Variants in MAGI3 observed in about 807,000 individuals in gnomAD.
MAGI3 encodes the protein membrane-associated guanylate kinase, WW and PDZ domain-containing protein 3.
Under a neutral mutation model 121.8 loss-of-function variants are expected in MAGI3, and 43 were observed. The ratio of observed to expected loss-of-function variants is 0.35; its 90% CI spans 0.28 to 0.46. The LOEUF (loss-of-function observed/expected upper bound fraction) is 0.46. Among genes scored for constraint, MAGI3 ranks in the 20% least tolerant of loss-of-function variants. The probability of loss-of-function intolerance (pLI) is 1.00; values close to 1 mark genes in which losing one functional copy is unlikely to be tolerated. For missense variants in MAGI3, 1,547 were observed against 1,797.3 expected (o/e 0.86, Z 2.52); for synonymous variants, 553 against 639.3 (o/e 0.86, Z 2.04).
chr1:113,440,555 A>C (rs1009948615), intron 1 of MAGI3, among the ~76,000 whole-genome samples: 1 of 152,190 alleles, frequency 6.6e-6, no homozygotes, highest in African/African-American at 2.4e-5. Context: ...CTACTGTAAT[A>C]GCTTAGCTGC....
At chr1:113,469,631 T>C (rs1332585710) in intron 1 of MAGI3, among the ~76,000 whole-genome samples, 2 of 152,152 alleles carry the variant, frequency 1.3e-5, no homozygotes, top group Non-Finnish European at 2.9e-5. Flanking sequence ...TGAAAAATTA[T>C]CATTTGACTT....
chr1:113,614,582 C>A lies in MAGI3; in HGVS notation c.1019-19C>A. 2 of 1,589,670 alleles carry A rather than the reference C, an allele frequency of 1.3e-6. No homozygotes were observed. The highest frequency in any genetic ancestry group is 2.2e-5 in the South Asian group (2 of 89,610). The stretch of plus-strand genomic sequence containing the variant: ...TCAGTTTTGAATCTGGCATTTCACT[C>A]AATTTTCTTTATTTACAGAGCTTCC... On this transcript the variant is annotated intron_variant, in intron 6 of 20. Transcript: ENST00000307546.
At chr1:113,540,385 T>C (rs1241263138) in intron 1 of MAGI3, among the ~76,000 whole-genome samples, 1 of 152,118 alleles carries the variant, frequency 6.6e-6, no homozygotes, top group African/African-American at 2.4e-5. Flanking sequence ...CAAGAACCAA[T>C]GGGGAGGAGA....
intron 6 of MAGI3, among the ~76,000 whole-genome samples, chr1:113,598,062 A>T (rs1649127200): frequency 1.3e-5 from 2 of 152,198 alleles, no homozygotes; most frequent in South Asian, 4.2e-4. Context: ...AAATACAAAA[A>T]TTAGCCAGAC....
At chr1:113,437,877 T>TC (rs1334973982) in intron 1 of MAGI3, among the ~76,000 whole-genome samples, 358 of 3,440 alleles carry the variant, frequency 0.1, 3 homozygotes, top group Non-Finnish European at 0.15. Context: ...TTCTTCTTCT[T>TC]CTCCTTCTCC....
At chr1:113,665,165 A>G (rs948495020) in intron 16 of MAGI3, among the ~76,000 whole-genome samples, 1 of 152,030 alleles carries the variant, frequency 6.6e-6, no homozygotes. Flanking sequence ...CTACCTTTGT[A>G]TGTAGTTTTA....
chr1:113,615,065 A>G (rs1003633915), intron 7 of MAGI3, among the ~76,000 whole-genome samples: 1 of 152,158 alleles, frequency 6.6e-6, no homozygotes, highest in Non-Finnish European at 1.5e-5. Flanking sequence ...AATTATCTGA[A>G]GTTTTGAAGC....
At chr1:113,454,604 A>G (rs915733551) in intron 1 of MAGI3, among the ~76,000 whole-genome samples, 3 of 152,098 alleles carry the variant, frequency 2.0e-5, no homozygotes, top group South Asian at 2.1e-4. Flanking sequence ...CCATCAACCC[A>G]TCTCTACATT....
At chr1:113,464,169 C>G (rs1284083618) in intron 1 of MAGI3, among the ~76,000 whole-genome samples, 1 of 152,012 alleles carries the variant, frequency 6.6e-6, no homozygotes, top group East Asian at 1.9e-4. Flanking sequence ...CATATACTTC[C>G]TGGCCTCTGT....
intron 1 of MAGI3, among the ~76,000 whole-genome samples, chr1:113,484,481 T>C (rs2101569313): frequency 6.6e-6 from 1 of 152,224 alleles, no homozygotes; most frequent in African/African-American, 2.4e-5. Flanking sequence ...CTCCCACATA[T>C]GAGTGAGAAC....
rs199898252 is a variant in MAGI3 at position 113,685,267 on chromosome 1, C to CAACT, written c.*1254_*1257dup. On this transcript the variant is annotated 3_prime_UTR_variant, in exon 21 of 21. Coordinates refer to ENST00000307546, the MANE Select transcript of MAGI3 (RefSeq NM_001142782.2). Reference sequence around the variant, plus strand: ...TTTCTTAGAAGTTGGAGACTGTTAACAACTTCCATAAAATAGATCCAGGTT... The same window carrying CAACT: ...TTTCTTAGAAGTTGGAGACTGTTAACAACTAACTTCCATAAAATAGATCCAGGTT... 4.5e-3 allele frequency: 680 copies of CAACT among 152,498 alleles called. 6 individuals carry two copies. Among genetic ancestry groups the CAACT allele is most frequent in the African/African-American group, 0.015 (633 of 41,584 alleles). The allele number at this position is 152,498 out of a possible 1,614,324, so 9.4% of individuals were successfully genotyped here.
intron 2 of MAGI3, among the ~76,000 whole-genome samples, chr1:113,571,438 G>A (rs1217609969): frequency 6.6e-6 from 1 of 152,170 alleles, no homozygotes; most frequent in Non-Finnish European, 1.5e-5. Context: ...GAAAGTTAAT[G>A]GTAGCTTGAT....
At chr1:113,488,029 TCTTC>T (rs1656475070) in intron 1 of MAGI3, among the ~76,000 whole-genome samples, 1 of 152,220 alleles carries the variant, frequency 6.6e-6, no homozygotes, top group Non-Finnish European at 1.5e-5. Flanking sequence ...CTTGGAAGGA[TCTTC>T]CTTAATTTTT....
chr1:113,430,566 T>C (rs1653251817), intron 1 of MAGI3, among the ~76,000 whole-genome samples: 1 of 152,244 alleles, frequency 6.6e-6, no homozygotes, highest in East Asian at 1.9e-4. Flanking sequence ...ATGCATGATA[T>C]ATGACTGGAA....
intron 1 of MAGI3, among the ~76,000 whole-genome samples, chr1:113,523,630 T>C (rs1440925055): frequency 6.6e-6 from 1 of 152,188 alleles, no homozygotes; most frequent in Non-Finnish European, 1.5e-5. Flanking sequence ...GTGTATCTGG[T>C]GGAAGAAATC....
intron 20 of MAGI3, 87 bp downstream of exon 20, chr1:113,681,423 A>G (rs1239464657): frequency 2.1e-6 from 3 of 1,397,506 alleles, no homozygotes; most frequent in South Asian, 1.4e-5. Flanking sequence ...GAGAGGATAG[A>G]TATTTTACTA....
intron 1 of MAGI3, among the ~76,000 whole-genome samples, chr1:113,407,861 T>C (rs1019409431): frequency 3.9e-5 from 6 of 152,154 alleles, no homozygotes; most frequent in African/African-American, 1.4e-4. Flanking sequence ...TAGACCCAAA[T>C]TTCTATGTCA....
chr1:113,516,024 A>G (rs1474786319), intron 1 of MAGI3, among the ~76,000 whole-genome samples: 9 of 152,042 alleles, frequency 5.9e-5, no homozygotes, highest in Non-Finnish European at 1.5e-5. Context: ...AGATGCGTAT[A>G]CCACTCCCTT....
At chr1:113,640,935 T>TAAAATATATC in intron 9 of MAGI3, among the ~76,000 whole-genome samples, 1 of 9,690 alleles carries the variant, frequency 1.0e-4, no homozygotes, top group Admixed American at 6.0e-4. Context: ...TTATATATCA[T>TAAAATATATC]ATATATAAAT....
Sources: allele counts gnomAD v4.1 joint callset (sites outside exome capture counted in the v4.1 genomes callset), GRCh38; gene constraint gnomAD v4.1.1; transcripts MANE v1.5; gene names NCBI Gene and HGNC (gene_info 2026-07-23, HGNC 2026-07-21).